MT1X: variants seen among roughly 807,000 people sequenced by gnomAD.
MT1X encodes the protein metallothionein-1X.
MT1X carries 7 observed loss-of-function variants against 8.6 expected under a neutral mutation model. The observed-to-expected ratio is 0.81, with a 90% CI of 0.46 to 1.52. The LOEUF is 1.52. Among genes scored for constraint, MT1X ranks in the 40% most tolerant of loss-of-function variants. The probability of loss-of-function intolerance (pLI) is 0.01; values close to 1 mark genes in which losing one functional copy is unlikely to be tolerated. For synonymous variants in MT1X, 25 were observed against 27.6 expected (o/e 0.91, Z 0.30); for missense variants, 72 against 74.3 (o/e 0.97, Z 0.11).
At position 56,683,995 on chromosome 16, in the gene MT1X, T is replaced by C. The variant is rs1170675459; in HGVS notation, c.132T>C (p.Cys44=). The C allele has an allele frequency of 1.3e-5, 21 of 1,614,012 alleles. 1 individual carries two copies. Among genetic ancestry groups the C allele is most frequent in the Middle Eastern group, 1.6e-4 (1 of 6,082 alleles). The change falls in exon 3 of 3, where the codon TGT becomes TGC. Residue 44 remains cysteine, a synonymous_variant. Coordinates refer to ENST00000394485, the MANE Select transcript of MT1X (RefSeq NM_005952.4). ...CSCCPVGCAK[C]AQGCICKGTS... Reference sequence around the variant, plus strand: ...GCTGCCCTGTGGGCTGTGCCAAGTGTGCCCAGGGCTGCATCTGCAAAGGGA... The same window carrying C: ...GCTGCCCTGTGGGCTGTGCCAAGTGCGCCCAGGGCTGCATCTGCAAAGGGA...
At chr16:56,682,784 C>G in intron 1 of MT1X, 1 of 629,746 alleles carries the variant, frequency 1.6e-6, no homozygotes, top group South Asian at 2.0e-5. Flanking sequence ...GGCTGTCCTG[C>G]TCCATGTCAC....
At chr16:56,683,926 C>T (rs1961033670) in intron 2 of MT1X, 32 bp from the exon 3 acceptor site, 1 of 1,613,614 alleles carries the variant, frequency 6.2e-7, no homozygotes. Context: ...ATTGAGTCTG[C>T]TCTGACCTCT....
intron 2 of MT1X, chr16:56,683,449 T>C (rs1205151536): frequency 7.3e-6 from 4 of 546,612 alleles, no homozygotes; most frequent in African/African-American, 3.8e-5. Context: ...CCAGATAGTG[T>C]TGGGAACAAA....
chr16:56,682,587 C>T lies in MT1X; in HGVS notation c.28+19C>T. On this transcript the variant is annotated intron_variant, in intron 1 of 2. Transcript: ENST00000394485. Reference sequence around the variant, plus strand: ...TCGCCTGGTAAGGGACACCTAGCTCCGCGCCTTGGGATGCCCGTTTCCCAG... The same window carrying T: ...TCGCCTGGTAAGGGACACCTAGCTCTGCGCCTTGGGATGCCCGTTTCCCAG... The T allele has an allele frequency of 6.2e-7, 1 of 1,614,216 alleles. No individual in the cohort carries two copies. Among genetic ancestry groups the T allele is most frequent in the Non-Finnish European group, 8.5e-7 (1 of 1,180,018 alleles).
chr16:56,684,011 T>C lies in MT1X; in HGVS notation c.148T>C (p.Cys50Arg). The C allele has an allele frequency of 6.2e-7, 1 of 1,614,086 alleles. No individual in the cohort carries two copies. Among genetic ancestry groups the C allele is most frequent in the Non-Finnish European group, 8.5e-7 (1 of 1,180,006 alleles). ...TGCCAAGTGTGCCCAGGGCTGCATC[T>C]GCAAAGGGACGTCAGACAAGTGCAG... ...GCAKCAQGCI[C>R]KGTSDKCSCC... The change falls in exon 3 of 3, where the codon TGC (cysteine) becomes CGC (arginine). Residue 50 changes from cysteine (C) to arginine (R), a missense_variant. Cys to Arg is a radical substitution (Grantham distance 180). Coordinates refer to ENST00000394485, the MANE Select transcript of MT1X (RefSeq NM_005952.4).
Position 56,683,207 on chromosome 16 carries a change from G to A in MT1X, c.71G>A (p.Cys24Tyr), listed in dbSNP as rs757583543. The A allele has an allele frequency of 6.8e-6, 11 of 1,614,034 alleles. No homozygotes were observed. The East Asian group carries it at 1.1e-4, about 16-fold the overall frequency. Residue 24 changes from cysteine (C) to tyrosine (Y), a missense_variant, in exon 2 of 3, where the codon TGC (cysteine) becomes TAC (tyrosine). By Grantham distance (194) the Cys-to-Tyr change is radical. Transcript: ENST00000394485. Reference sequence around the variant, plus strand: ...GCCGGCTCCTGCAAATGCAAAGAGTGCAAATGCACCTCCTGCAAGAAGAGT... The same window carrying A: ...GCCGGCTCCTGCAAATGCAAAGAGTACAAATGCACCTCCTGCAAGAAGAGT... ...ACAGSCKCKE[C>Y]KCTSCKKSCC...
rs1961038451 is a variant in MT1X, at chr16:56,684,177, CA to C, written c.*130del. ...TTTTTTCTATGAAATATGTGAATGG[CA>C]ATAAATTCATCTAGACTATTCTGGC... On this transcript the variant is annotated 3_prime_UTR_variant, in exon 3 of 3. Transcript: ENST00000394485. The C allele has an allele frequency of 2.6e-6, 3 of 1,143,636 alleles. No homozygotes were observed. In the South Asian group the frequency reaches 4.8e-5, roughly 18 times the overall value. 70.8% of individuals were successfully genotyped at this position (1,143,636 alleles called of 1,614,324 possible).
chr16:56,682,949 C>A (rs1961019086), intron 1 of MT1X: 2 of 630,994 alleles, frequency 3.2e-6, no homozygotes, highest in East Asian at 5.7e-5. Context: ...TGTCTGGAGC[C>A]TGGGACCTTG....
chr16:56,683,503 C>T, intron 2 of MT1X: 1 of 455,334 alleles, frequency 2.2e-6, no homozygotes, highest in South Asian at 2.2e-5. Context: ...ATGCAGCCTT[C>T]TTCACCCTTC....
chr16:56,683,859 C>G, intron 2 of MT1X, 99 bp from the exon 3 acceptor site: 1 of 1,526,350 alleles, frequency 6.6e-7, no homozygotes, highest in East Asian at 2.3e-5. Context: ...AATGATGGTC[C>G]TCTGGGGCTG....
rs563860599 is a variant in MT1X, at chr16:56,683,815, C to T, written c.95-143C>T. 4 of 1,226,332 alleles carry T rather than the reference C, an allele frequency of 3.3e-6. No homozygotes were observed. The East Asian group carries it at 7.0e-5, about 21-fold the overall frequency. 76.0% of individuals were successfully genotyped at this position (1,226,332 alleles called of 1,614,324 possible). On this transcript the variant is annotated intron_variant, in intron 2 of 2. Transcript: ENST00000394485. ...ATAAAACCCTCATCCCAAAGATCTA[C>T]CAGTTCTCTTCTGACAAAGCCATGC...
chr16:56,683,399 C>T (rs1284365854), intron 2 of MT1X, 169 bp downstream of exon 2: 6 of 688,062 alleles, frequency 8.7e-6, no homozygotes, highest in Non-Finnish European at 1.2e-5. Flanking sequence ...GAGTCCCAGC[C>T]TCTTATTACC....
chr16:56,682,496 G>T lies in MT1X; in HGVS notation c.-45G>T, dbSNP rs1567358252. 6.2e-7 allele frequency: 1 copy of T among 1,612,100 alleles called. No individual in the cohort carries two copies. Among genetic ancestry groups the T allele is most frequent in the Non-Finnish European group, 8.5e-7 (1 of 1,178,162 alleles). ...CCACGCTTTTCATCTGTCCCGCTGC[G>T]TGTTTTCCTCTTGATCGGGAACTCC... On this transcript the variant is annotated 5_prime_UTR_variant, in exon 1 of 3. Transcript: ENST00000394485.
At chr16:56,683,509 C>T in intron 2 of MT1X, 1 of 444,772 alleles carries the variant, frequency 2.2e-6, no homozygotes, top group Non-Finnish European at 4.1e-6. Flanking sequence ...CCTTCTTCAC[C>T]CTTCTGGGTC....
intron 2 of MT1X, 196 bp downstream of exon 2, chr16:56,683,426 C>G (rs1433529604): frequency 1.7e-6 from 1 of 595,164 alleles, no homozygotes; most frequent in African/African-American, 1.9e-5. Context: ...GAAACTGAGG[C>G]CCAGAGAGGT....
intron 1 of MT1X, 163 bp downstream of exon 1, chr16:56,682,731 C>T (rs1184017989): frequency 1.2e-5 from 10 of 830,258 alleles, no homozygotes; most frequent in Non-Finnish European, 1.9e-5. Context: ...CACTTCTCGC[C>T]TCCCTGTGCC....
intron 1 of MT1X, 169 bp downstream of exon 1, chr16:56,682,737 G>A: frequency 1.2e-6 from 1 of 809,880 alleles, no homozygotes; most frequent in Non-Finnish European, 2.0e-6. Flanking sequence ...TCGCCTCCCT[G>A]TGCCTCTAAG....
At chr16:56,682,713 C>A in intron 1 of MT1X, 145 bp downstream of exon 1, 1 of 1,011,298 alleles carries the variant, frequency 9.9e-7, no homozygotes, top group Admixed American at 2.1e-5. Context: ...CGATCACGTC[C>A]CTGAGACCAC....
chr16:56,683,928 C>T lies in MT1X; in HGVS notation c.95-30C>T, dbSNP rs1356000650. ...AGGGAGGTGCCTGATTGAGTCTGCT[C>T]TGACCTCTCACTCTCCCCTTCTTCT... On this transcript the variant is annotated intron_variant, in intron 2 of 2. Coordinates refer to ENST00000394485, the MANE Select transcript of MT1X (RefSeq NM_005952.4). The T allele has an allele frequency of 5.0e-6, 8 of 1,613,604 alleles. No homozygotes were observed. In the Admixed American group the frequency reaches 8.3e-5, roughly 17 times the overall value.
Sources: allele counts gnomAD v4.1 joint callset, GRCh38; gene constraint gnomAD v4.1.1; transcripts MANE v1.5; gene names NCBI Gene and HGNC (gene_info 2026-07-23, HGNC 2026-07-21).